Variants in SLC25A21 observed in about 807,000 individuals in gnomAD.
SLC25A21 encodes solute carrier family 25 member 21, also known as mitochondrial 2-oxodicarboxylate carrier.
Under a neutral mutation model 43.8 loss-of-function variants are expected in SLC25A21, and 47 were observed. The ratio of observed to expected loss-of-function variants is 1.07; its 90% confidence interval spans 0.85 to 1.37. The LOEUF (loss-of-function observed/expected upper bound fraction) is 1.37. Ranked by LOEUF, SLC25A21 falls within the 40% of genes most tolerant of loss-of-function variation. The pLI, the probability that SLC25A21 is intolerant of heterozygous loss-of-function variation, is 0.00. For missense variants in SLC25A21, 352 were observed against 350.2 expected, an observed-to-expected ratio of 1.00 and a Z score of -0.04; for synonymous variants, 131 against 121.3, an observed-to-expected ratio of 1.08 and a Z score of -0.52.
chr14:37,124,987 T>C (rs1406996027), intron 1 of SLC25A21, among the ~76,000 whole-genome samples: 1 of 152,190 alleles, frequency 6.6e-6, no homozygotes, highest in Non-Finnish European at 1.5e-5. Flanking sequence ...CAATTAAACC[T>C]CTTTTGTTTA....
chr14:36,865,077 G>A lies in SLC25A21; in HGVS notation c.119+9879C>T, dbSNP rs557474689. On this transcript the variant is annotated intron_variant, in intron 2 of 9. Coordinates refer to ENST00000331299, the MANE Select transcript of SLC25A21 (RefSeq NM_030631.4). The stretch of plus-strand genomic sequence containing the variant: ...TATTGGGGAAAAGAGACTTCATTCC[G>A]TGTTTCCACCCTGCTGTTCCGTTGG... Among the ~76,000 whole-genome samples the A allele has an allele frequency of 2.1e-5, 3 of 146,132 alleles. No homozygotes were observed. The East Asian group carries it at 6.0e-4, about 29-fold the overall frequency.
chr14:36,767,652 C>T (rs1272792241), intron 3 of SLC25A21, among the ~76,000 whole-genome samples: 1 of 152,228 alleles, frequency 6.6e-6, no homozygotes, highest in Non-Finnish European at 1.5e-5. Context: ...CAGGCCTGCA[C>T]TTACTCACTT....
intron 1 of SLC25A21, among the ~76,000 whole-genome samples, chr14:36,895,610 T>C (rs186595472): frequency 1.5e-4 from 23 of 152,352 alleles, no homozygotes; most frequent in Non-Finnish European, 3.1e-4. Flanking sequence ...CTTGCTTCTC[T>C]AGTTCTCTTA....
chr14:36,768,876 C>G (rs1566593661), intron 3 of SLC25A21, among the ~76,000 whole-genome samples: 1 of 149,618 alleles, frequency 6.7e-6, no homozygotes, highest in Admixed American at 6.7e-5. Context: ...AGAAGGACTG[C>G]TTGAGGCCAG....
intron 3 of SLC25A21, among the ~76,000 whole-genome samples, chr14:36,779,010 ACT>A (rs1886936435): frequency 6.6e-6 from 1 of 151,536 alleles, no homozygotes; most frequent in Non-Finnish European, 1.5e-5. Context: ...TCACTATTCT[ACT>A]CTGTTTTTAT....
At chr14:37,104,172 A>C (rs939900241) in intron 1 of SLC25A21, among the ~76,000 whole-genome samples, 1 of 152,210 alleles carries the variant, frequency 6.6e-6, no homozygotes. Flanking sequence ...TTACTTTACT[A>C]GAAATGGATG....
chr14:36,781,840 T>C (rs899770333), intron 3 of SLC25A21, among the ~76,000 whole-genome samples: 5 of 152,216 alleles, frequency 3.3e-5, no homozygotes, highest in African/African-American at 1.2e-4. Context: ...GGGAGTCTTA[T>C]ACTTTCATAT....
chr14:36,740,142 T>G (rs944922865), intron 3 of SLC25A21, among the ~76,000 whole-genome samples: 1 of 152,190 alleles, frequency 6.6e-6, no homozygotes, highest in Non-Finnish European at 1.5e-5. Context: ...AAATCGAAAT[T>G]CTTAAAATCA....
intron 1 of SLC25A21, among the ~76,000 whole-genome samples, chr14:36,982,394 T>C (rs1960048370): frequency 2.0e-5 from 3 of 152,164 alleles, no homozygotes; most frequent in Admixed American, 6.5e-5. Context: ...TATCACCACA[T>C]AGTAACCTCC....
At chr14:37,089,691 C>A (rs1962548783) in intron 1 of SLC25A21, among the ~76,000 whole-genome samples, 1 of 152,118 alleles carries the variant, frequency 6.6e-6, no homozygotes, top group Non-Finnish European at 1.5e-5. Context: ...AATTTTATAC[C>A]ACAGCTCTAC....
Position 37,172,270 on chromosome 14 carries a change from G to A in SLC25A21, c.70+11C>T, listed in dbSNP as rs374197787. 9 of 1,586,868 alleles carry A rather than the reference G, an allele frequency of 5.7e-6. No individual in the cohort carries two copies. Among genetic ancestry groups the A allele is most frequent in the African/African-American group, 2.7e-5 (2 of 74,356 alleles). On this transcript the variant is annotated intron_variant, in intron 1 of 9. Transcript: ENST00000331299. ...ACTAGCCTCCGGCGGGGCAGGGCGG[G>A]CTGTCCTTACCTGCAGAACCACCGG...
intron 3 of SLC25A21, among the ~76,000 whole-genome samples, chr14:36,750,120 C>T (rs1286990508): frequency 1.3e-5 from 2 of 152,162 alleles, no homozygotes; most frequent in Non-Finnish European, 2.9e-5. Flanking sequence ...CCCACTGACG[C>T]AGAATGTTGG....
intron 3 of SLC25A21, among the ~76,000 whole-genome samples, chr14:36,790,735 G>T (rs1360577600): frequency 6.6e-6 from 1 of 152,122 alleles, no homozygotes; most frequent in Non-Finnish European, 1.5e-5. Context: ...TGAAAGGTTA[G>T]CTGGCACACA....
At chr14:36,818,663 C>T (rs943755976) in intron 2 of SLC25A21, among the ~76,000 whole-genome samples, 2 of 152,208 alleles carry the variant, frequency 1.3e-5, no homozygotes, top group East Asian at 1.9e-4. Context: ...TGTTCCATTA[C>T]ACATGACTTA....
At chr14:36,725,977 G>T (rs1046377621) in intron 5 of SLC25A21, among the ~76,000 whole-genome samples, 1 of 152,140 alleles carries the variant, frequency 6.6e-6, no homozygotes, top group African/African-American at 2.4e-5. Flanking sequence ...TTTAAAGGTG[G>T]ATATTAAAAC....
intron 4 of SLC25A21, among the ~76,000 whole-genome samples, chr14:36,730,620 A>C (rs1028566896): frequency 6.6e-5 from 10 of 152,192 alleles, no homozygotes; most frequent in Non-Finnish European, 1.3e-4. Flanking sequence ...CAGCCCAAGA[A>C]TCGTTTTACT....
chr14:36,864,653 T>C (rs1890161959), intron 2 of SLC25A21, among the ~76,000 whole-genome samples: 1 of 152,254 alleles, frequency 6.6e-6, no homozygotes, highest in South Asian at 2.1e-4. Context: ...CACACCATTA[T>C]ATGTTGCCAT....
intron 2 of SLC25A21, among the ~76,000 whole-genome samples, chr14:36,838,563 G>A (rs910077869): frequency 1.3e-5 from 2 of 152,192 alleles, no homozygotes; most frequent in Non-Finnish European, 1.5e-5. Context: ...TATGCCTGGG[G>A]TATGCAGAAC....
intron 1 of SLC25A21, among the ~76,000 whole-genome samples, chr14:37,026,754 G>A (rs1237368843): frequency 6.6e-6 from 1 of 152,054 alleles, no homozygotes; most frequent in Non-Finnish European, 1.5e-5. Flanking sequence ...TTATTCAAGG[G>A]CCTCTAAAAA....
Sources: allele counts gnomAD v4.1 joint callset (sites outside exome capture counted in the v4.1 genomes callset), GRCh38; gene constraint gnomAD v4.1.1; transcripts MANE v1.5; gene names NCBI Gene and HGNC (gene_info 2026-07-23, HGNC 2026-07-21).